Variants in MFGE8 observed in about 807,000 individuals in gnomAD.
MFGE8 encodes the protein milk fat globule EGF and factor V/VIII domain containing, also known as lactadherin.
MFGE8 carries 34 observed loss-of-function variants against 42.6 expected under a neutral mutation model. The ratio of observed to expected loss-of-function variants is 0.80; its 90% CI spans 0.61 to 1.06. MFGE8 has a LOEUF of 1.06. Among genes scored for constraint, MFGE8 ranks in the 50% least tolerant of loss-of-function variants. The pLI is 0.00. For missense variants in MFGE8, 510 were observed against 516.9 expected, an observed-to-expected ratio of 0.99 and a Z score of 0.13; for synonymous variants, 230 against 214.8, an observed-to-expected ratio of 1.07 and a Z score of -0.62.
Position 88,902,166 on chromosome 15 carries a change from G to A in MFGE8, c.686-431C>T. The A allele has an allele frequency of 1.4e-5, 3 of 218,216 alleles. No homozygotes were observed. Among genetic ancestry groups the A allele is most frequent in the Admixed American group, 5.1e-5 (1 of 19,608 alleles). The allele number at this position is 218,216 out of a possible 1,614,324, so 13.5% of individuals were successfully genotyped here. A position where few individuals can be genotyped will look rare whatever the true frequency, so the allele number is the denominator to read the frequency against. ...GCCTCGGCCTCCCATCCGTCCCATG[G>A]CACAGTCACTATCTACTTTAATAAC... On this transcript the variant is annotated intron_variant, in intron 5 of 7. Transcript: ENST00000268150. This position sits in a 1 kb window ranked among gnomAD's most constrained non-coding sequence, Gnocchi z 4.3.
At position 88,905,499 on chromosome 15, in the gene MFGE8, G is replaced by A. The variant is rs1291171761; in HGVS notation, c.685+258C>T. 1 of 651,980 alleles carries A rather than the reference G, an allele frequency of 1.5e-6. No individual in the cohort carries two copies. The highest frequency in any genetic ancestry group is 2.1e-5 in the Admixed American group (1 of 48,310). 40.4% of individuals were successfully genotyped at this position (651,980 alleles called of 1,614,324 possible). On this transcript the variant is annotated intron_variant, in intron 5 of 7. Transcript: ENST00000268150. This position sits in a 1 kb window ranked among gnomAD's most constrained non-coding sequence, Gnocchi z 6.6. ...ACAGGAGAGGAGCCAACCAGAAGAAGGGAAAATACTTTGAAAACTGATGTC... is the reference window on the plus strand; with the variant it reads ...ACAGGAGAGGAGCCAACCAGAAGAAAGGAAAATACTTTGAAAACTGATGTC...
chr15:88,910,032 C>T, intron 1 of MFGE8, 109 bp from the exon 2 acceptor site: 2 of 1,383,804 alleles, frequency 1.4e-6, no homozygotes, highest in Non-Finnish European at 2.1e-6. Flanking sequence ...TCAAACTCGC[C>T]CATTATCTCT....
At position 88,899,521 on chromosome 15, in the gene MFGE8, G is replaced by A; in HGVS notation, c.1038C>T (p.Gly346=). 1.2e-6 allele frequency: 2 copies of A among 1,614,210 alleles called. No individual in the cohort carries two copies. Among genetic ancestry groups the A allele is most frequent in the Non-Finnish European group, 8.5e-7 (1 of 1,180,026 alleles). The change falls in exon 8 of 8, where the codon GGC becomes GGT. Residue 346 remains glycine (G), a synonymous_variant. Transcript: ENST00000268150. This position sits in a 1 kb window ranked among gnomAD's most constrained non-coding sequence, Gnocchi z 6.8. Reference sequence around the variant, plus strand: ...TCTTGTGGGAGTGGTTGTCCCAGTTGCCAGGGAAGATCTAGAGGCAGAGCG... The same window carrying A: ...TCTTGTGGGAGTGGTTGTCCCAGTTACCAGGGAAGATCTAGAGGCAGAGCG... ...PRTGSSKIFP[G]NWDNHSHKKN...
Position 88,901,689 on chromosome 15 carries a change from C to T in MFGE8, c.732G>A (p.Lys244=). The change falls in exon 6 of 8, where the codon AAG becomes AAA. Residue 244 remains lysine (K), a synonymous_variant. Coordinates refer to ENST00000268150, the MANE Select transcript of MFGE8 (RefSeq NM_005928.4). ...LGLKNNSIPD[K]QITASSSYKT... is the part of the protein sequence containing the mutation. ...TGTAGCTGCTGGAGGCCGTGATCTG[C>T]TTGTCAGGGATGCTGTTATTCTTCA... is the stretch of plus-strand genomic sequence containing the variant. The T allele has an allele frequency of 1.2e-6, 2 of 1,613,856 alleles. No individual in the cohort carries two copies. The highest frequency in any genetic ancestry group is 4.5e-5 in the East Asian group (2 of 44,854).
rs774485397 is a variant in MFGE8, at chr15:88,907,179, C to T, written c.387+16G>A. On this transcript the variant is annotated intron_variant, in intron 3 of 7. Coordinates refer to ENST00000268150, the MANE Select transcript of MFGE8 (RefSeq NM_005928.4). ...TTCTCTCCATTGCCCCGCCCCAGGG[C>T]CATCCCCAGGCATACCTGGATCCAG... The T allele has an allele frequency of 6.1e-5, 99 of 1,609,908 alleles. No homozygotes were observed. Among genetic ancestry groups the T allele is most frequent in the Admixed American group, 5.9e-4 (35 of 59,300 alleles).
chr15:88,905,867 T>G lies in MFGE8; in HGVS notation c.575A>C (p.His192Pro). 6.2e-7 allele frequency: 1 copy of G among 1,614,220 alleles called. No homozygotes were observed. The highest frequency in any genetic ancestry group is 8.5e-7 in the Non-Finnish European group (1 of 1,180,044). ...CACAGGGGTCTCAAACAGGTTGACA[T>G]GCACCGCGTTTTTGTTCCAGTTACC... ...FVGNWNKNAV[H>P]VNLFETPVEA... The change falls in exon 5 of 8, where the codon CAT (histidine) becomes CCT (proline). Residue 192 changes from histidine to proline, a missense_variant. Physicochemically the swap from His to Pro is moderately conservative, Grantham distance 77. Coordinates refer to ENST00000268150, the MANE Select transcript of MFGE8 (RefSeq NM_005928.4). This position sits in a 1 kb window ranked among gnomAD's most constrained non-coding sequence, Gnocchi z 6.6.
At chr15:88,910,060 C>G in intron 1 of MFGE8, 137 bp from the exon 2 acceptor site, 1 of 1,137,262 alleles carries the variant, frequency 8.8e-7, no homozygotes. Flanking sequence ...CCTCTTCCCC[C>G]GTGTGCTGGA....
At chr15:88,909,619 G>C (rs548582077) in intron 2 of MFGE8, among the ~76,000 whole-genome samples, 173 bp downstream of exon 2, 2 of 152,174 alleles carry the variant, frequency 1.3e-5, no homozygotes, top group African/African-American at 4.8e-5. Flanking sequence ...TTCCCCCCTC[G>C]GTCTAACTGA....
rs775997275 is a variant in MFGE8 at position 88,913,324 on chromosome 15, C to T, written c.-5G>A. On this transcript the variant is annotated 5_prime_UTR_variant, in exon 1 of 8. Coordinates refer to ENST00000268150, the MANE Select transcript of MFGE8 (RefSeq NM_005928.4). Reference sequence around the variant, plus strand: ...CAGCAGGCGGGGGCGCGGCATGCTGCGGGGACGCGGGCGCTGGAATGGGCA... The same window carrying T: ...CAGCAGGCGGGGGCGCGGCATGCTGTGGGGACGCGGGCGCTGGAATGGGCA... 2.1e-6 allele frequency: 3 copies of T among 1,435,184 alleles called. No homozygotes were observed. Among genetic ancestry groups the T allele is most frequent in the Non-Finnish European group, 2.7e-6 (3 of 1,105,734 alleles). The allele number at this position is 1,435,184 out of a possible 1,614,324, so 88.9% of individuals were successfully genotyped here.
chr15:88,902,025 C>T lies in MFGE8; in HGVS notation c.686-290G>A, dbSNP rs1034397804. 3 of 431,798 alleles carry T rather than the reference C, an allele frequency of 6.9e-6. No individual in the cohort carries two copies. Among genetic ancestry groups the T allele is most frequent in the Non-Finnish European group, 1.3e-5 (3 of 229,184 alleles). 26.7% of individuals were successfully genotyped at this position (431,798 alleles called of 1,614,324 possible). ...ACCAGGGAAGGCCCCTGCTCCACCACCTCCTGCCCTCCTTCAATGCCTGAC... is the reference window on the plus strand; with the variant it reads ...ACCAGGGAAGGCCCCTGCTCCACCATCTCCTGCCCTCCTTCAATGCCTGAC... On this transcript the variant is annotated intron_variant, in intron 5 of 7. Coordinates refer to ENST00000268150, the MANE Select transcript of MFGE8 (RefSeq NM_005928.4). The surrounding 1 kb of genome is among the most constrained non-coding windows in gnomAD (Gnocchi z 4.3).
rs535029197 is a variant in MFGE8, at chr15:88,910,021, C to T, written c.74-98G>A. On this transcript the variant is annotated intron_variant, in intron 1 of 7. Coordinates refer to ENST00000268150, the MANE Select transcript of MFGE8 (RefSeq NM_005928.4). Reference sequence around the variant, plus strand: ...GGGTCCAGCCCAAAAGGACCCTCCACTCAAACTCGCCCATTATCTCTTCCT... The same window carrying T: ...GGGTCCAGCCCAAAAGGACCCTCCATTCAAACTCGCCCATTATCTCTTCCT... The T allele has an allele frequency of 4.1e-6, 6 of 1,456,120 alleles. No homozygotes were observed. In the South Asian group the frequency reaches 5.7e-5, roughly 14 times the overall value. The allele number at this position is 1,456,120 out of a possible 1,614,324, so 90.2% of individuals were successfully genotyped here.
At position 88,906,732 on chromosome 15, in the gene MFGE8, C is replaced by T. The variant is rs200190766; in HGVS notation, c.434G>A (p.Gly145Asp). Residue 145 changes from glycine to aspartate, a missense_variant, in exon 4 of 8, where the codon GGT (glycine) becomes GAT (aspartate). Physicochemically the swap from Gly to Asp is moderately conservative, Grantham distance 94. Coordinates refer to ENST00000268150, the MANE Select transcript of MFGE8 (RefSeq NM_005928.4). The surrounding 1 kb of genome is among the most constrained non-coding windows in gnomAD (Gnocchi z 4.2). The part of the protein sequence containing the change: ...RMWVTGVVTQ[G>D]ASRLASHEYL... ...CTCATGACTGGCCAAGCGGCTGGCACCCTGCGTCACCACACCTGTTACCCA... is the reference window on the plus strand; with the variant it reads ...CTCATGACTGGCCAAGCGGCTGGCATCCTGCGTCACCACACCTGTTACCCA... 6.2e-7 allele frequency: 1 copy of T among 1,613,548 alleles called. No individual in the cohort carries two copies. The highest frequency in any genetic ancestry group is 8.5e-7 in the Non-Finnish European group (1 of 1,179,928).
Position 88,899,669 on chromosome 15 carries a change from G to A in MFGE8, c.1013C>T (p.Thr338Ile), listed in dbSNP as rs1304047025. ...ANWTEYQDPR[T>I]GSSKIFPGNW... is the part of the protein sequence containing the mutation. ...ACAGACACCCACCTTACTGCTGCCAGTCCTGGGGTCCTGGTACTCAGTCCA... is the reference window on the plus strand; with the variant it reads ...ACAGACACCCACCTTACTGCTGCCAATCCTGGGGTCCTGGTACTCAGTCCA... The change falls in exon 7 of 8, where the codon ACT becomes ATT. Residue 338 changes from threonine to isoleucine, a missense_variant. Coordinates refer to ENST00000268150, the MANE Select transcript of MFGE8 (RefSeq NM_005928.4). This position sits in a 1 kb window ranked among gnomAD's most constrained non-coding sequence, Gnocchi z 6.8. 4.3e-6 allele frequency: 7 copies of A among 1,614,184 alleles called. No homozygotes were observed. Among genetic ancestry groups the A allele is most frequent in the African/African-American group, 1.3e-5 (1 of 75,044 alleles).
intron 6 of MFGE8, 34 bp downstream of exon 6, chr15:88,901,517 A>AAACCAACAAAGGGTGCC: frequency 9.3e-7 from 1 of 1,072,616 alleles, no homozygotes; most frequent in Non-Finnish European, 1.4e-6. Context: ...ATCCCACCCA[A>AAACCAACAAAGGGTGCC]CCCCAGCCCC....
At position 88,899,788 on chromosome 15, in the gene MFGE8, C is replaced by G; in HGVS notation, c.894G>C (p.Glu298Asp). The G allele has an allele frequency of 6.8e-6, 11 of 1,614,064 alleles. No homozygotes were observed. The highest frequency in any genetic ancestry group is 9.3e-6 in the Non-Finnish European group (11 of 1,179,938). ...WLQVDLGSSK[E>D]VTGIITQGAR... is the part of the protein sequence containing the mutation. ...CCCCCTGGGTGATGATGCCTGTCAC[C>G]TCCTTCGAGGAGCCCAGGTCCACCT... The change falls in exon 7 of 8, where the codon GAG becomes GAC. Residue 298 changes from glutamate (E) to aspartate (D), a missense_variant. By Grantham distance (45) the Glu-to-Asp change is conservative. Coordinates refer to ENST00000268150, the MANE Select transcript of MFGE8 (RefSeq NM_005928.4). This position sits in a 1 kb window ranked among gnomAD's most constrained non-coding sequence, Gnocchi z 6.8.
chr15:88,901,863 A>G (rs1898452309), intron 5 of MFGE8, 128 bp from the exon 6 acceptor site: 1 of 920,118 alleles, frequency 1.1e-6, no homozygotes, highest in African/African-American at 1.6e-5. Flanking sequence ...GGGCAACAGA[A>G]AGCAGCTCCA....
intron 6 of MFGE8, chr15:88,900,608 T>G (rs971938566): frequency 1.3e-5 from 8 of 632,746 alleles, no homozygotes; most frequent in Non-Finnish European, 1.6e-5. Context: ...ACCTGCCAGC[T>G]GCACCTGGAC....
Position 88,899,762 on chromosome 15 carries a change from G to T in MFGE8, c.920C>A (p.Ala307Asp). 6.2e-7 allele frequency: 1 copy of T among 1,614,132 alleles called. No individual in the cohort carries two copies. Among genetic ancestry groups the T allele is most frequent in the East Asian group, 2.2e-5 (1 of 44,886 alleles). ...KEVTGIITQG[A>D]RNFGSVQFVA... Reference sequence around the variant, plus strand: ...AAACTGGACAGAGCCAAAGTTACGGGCCCCCTGGGTGATGATGCCTGTCAC... The same window carrying T: ...AAACTGGACAGAGCCAAAGTTACGGTCCCCCTGGGTGATGATGCCTGTCAC... The change falls in exon 7 of 8, where the codon GCC (alanine) becomes GAC (aspartate). Residue 307 changes from alanine to aspartate, a missense_variant. Ala to Asp is a moderately radical substitution (Grantham distance 126, BLOSUM62 -2). Coordinates refer to ENST00000268150, the MANE Select transcript of MFGE8 (RefSeq NM_005928.4). The surrounding 1 kb of genome is among the most constrained non-coding windows in gnomAD (Gnocchi z 6.8).
At chr15:88,910,020 A>G (rs1898885681) in intron 1 of MFGE8, 97 bp from the exon 2 acceptor site, 2 of 1,476,356 alleles carry the variant, frequency 1.4e-6, no homozygotes, top group East Asian at 2.3e-5. Flanking sequence ...AGGACCCTCC[A>G]CTCAAACTCG....
Sources: gnomAD v4.1 joint callset for allele counts (sites outside exome capture counted in the v4.1 genomes callset) on GRCh38, gnomAD v4.1.1 for gene constraint, Gnocchi (gnomAD v3.1) non-coding constraint, MANE v1.5 for transcripts, NCBI Gene and HGNC (gene_info 2026-07-23, HGNC 2026-07-21) for gene names.